Variants in VPS41 observed in about 807,000 individuals in gnomAD.
VPS41 encodes the protein VPS41 subunit of HOPS complex.
A neutral mutation model predicts 130.9 loss-of-function variants in VPS41; 85 were observed. The observed-to-expected ratio is 0.65, with a 90% CI of 0.55 to 0.78. The LOEUF (loss-of-function observed/expected upper bound fraction) is 0.78. VPS41 is among the 30% of genes least tolerant of loss of function. The pLI, the probability that VPS41 is intolerant of heterozygous loss-of-function variation, is 0.00. For synonymous variants in VPS41, 335 were observed against 332.9 expected (o/e 1.01, Z -0.07); for missense variants, 874 against 1,018.7 (o/e 0.86, Z 1.93).
chr7:38,906,339 TTTG>T (rs996230108), intron 1 of VPS41, among the ~76,000 whole-genome samples: 4 of 151,742 alleles, frequency 2.6e-5, no homozygotes, highest in Non-Finnish European at 2.9e-5. Context: ...TGGGTTTTTT[TTTG>T]TTTGTTTTTC....
intron 1 of VPS41, among the ~76,000 whole-genome samples, chr7:38,907,316 G>A (rs374948482): frequency 6.6e-6 from 1 of 152,186 alleles, no homozygotes; most frequent in Non-Finnish European, 1.5e-5. Context: ...AAGACTAAGA[G>A]AGCCAGTACA....
rs191080083 is a variant in VPS41 at position 38,897,576 on chromosome 7, C to T, written c.60+515G>A. On this transcript the variant is annotated intron_variant, in intron 2 of 28. Transcript: ENST00000310301. ...AGGAGAATGGTGTGAACCTGGGAGA[C>T]GGAGCCTGCAGTGAGCCGAGATGGA... Among the ~76,000 whole-genome samples, 1,101 of 147,748 alleles carry T rather than the reference C, an allele frequency of 7.5e-3. 8 individuals carry two copies. Among genetic ancestry groups the T allele is most frequent in the Non-Finnish European group, 0.012 (803 of 67,624 alleles).
intron 16 of VPS41, among the ~76,000 whole-genome samples, 180 bp from the exon 17 acceptor site, chr7:38,763,727 T>C (rs1783970393): frequency 6.6e-6 from 1 of 152,186 alleles, no homozygotes; most frequent in African/African-American, 2.4e-5. Context: ...TAAATTATAA[T>C]ATATTTTCAA....
rs763655809 is a variant in VPS41, at chr7:38,726,299, A to C, written c.2512T>G (p.Cys838Gly). The change falls in exon 29 of 29, where the codon TGC becomes GGC. Residue 838 changes from cysteine (C) to glycine (G), a missense_variant. Coordinates refer to ENST00000310301, the MANE Select transcript of VPS41 (RefSeq NM_014396.4). ...MNSAAQFCNI[C>G]SAKNRGPGSA... The stretch of plus-strand genomic sequence containing the variant: ...CCTGGTCCACGGTTCTTAGCACTGC[A>C]GATGTTGCAGAACTGTGCAGCAGAG... The C allele has an allele frequency of 1.2e-6, 2 of 1,608,198 alleles. No homozygotes were observed. Among genetic ancestry groups the C allele is most frequent in the Non-Finnish European group, 1.7e-6 (2 of 1,176,132 alleles).
intron 2 of VPS41, among the ~76,000 whole-genome samples, chr7:38,876,498 T>C (rs1285265133): frequency 6.6e-6 from 1 of 152,152 alleles, no homozygotes; most frequent in East Asian, 1.9e-4. Flanking sequence ...AGAAATCACA[T>C]CACCCGGTTG....
At chr7:38,881,211 G>A (rs1242085427) in intron 2 of VPS41, among the ~76,000 whole-genome samples, 1 of 152,150 alleles carries the variant, frequency 6.6e-6, no homozygotes, top group Non-Finnish European at 1.5e-5. Context: ...GGAAGCTGGG[G>A]GGAGAATCCC....
rs1177927356 is a variant in VPS41 at position 38,821,277 on chromosome 7, A to C, written c.322-12T>G. ...CCAAATACCTGCACCTACAAAGAAA[A>C]TGGATTGTATCAGCTCACCATGACA... is the stretch of plus-strand genomic sequence containing the variant. On this transcript the variant is annotated splice_polypyrimidine_tract_variant and intron_variant, in intron 5 of 28. Coordinates refer to ENST00000310301, the MANE Select transcript of VPS41 (RefSeq NM_014396.4). 1 of 1,609,834 alleles carries C rather than the reference A, an allele frequency of 6.2e-7. No homozygotes were observed. The highest frequency in any genetic ancestry group is 2.2e-5 in the East Asian group (1 of 44,836).
chr7:38,900,454 G>A (rs930300615), intron 1 of VPS41, among the ~76,000 whole-genome samples: 3 of 151,866 alleles, frequency 2.0e-5, no homozygotes, highest in African/African-American at 7.3e-5. Context: ...ATATTATTCA[G>A]GTGACAGTGA....
At chr7:38,808,138 C>T (rs1017678008) in intron 7 of VPS41, among the ~76,000 whole-genome samples, 1 of 152,128 alleles carries the variant, frequency 6.6e-6, no homozygotes, top group Non-Finnish European at 1.5e-5. Context: ...ACCCAACTCT[C>T]CCACCCTGAC....
chr7:38,726,053 T>C lies in VPS41; in HGVS notation c.*193A>G, dbSNP rs1305191040. 1 of 554,976 alleles carries C rather than the reference T, an allele frequency of 1.8e-6. No homozygotes were observed. Among genetic ancestry groups the C allele is most frequent in the Non-Finnish European group, 3.2e-6 (1 of 313,578 alleles). The allele number at this position is 554,976 out of a possible 1,614,324, so 34.4% of individuals were successfully genotyped here. On this transcript the variant is annotated 3_prime_UTR_variant, in exon 29 of 29. Coordinates refer to ENST00000310301, the MANE Select transcript of VPS41 (RefSeq NM_014396.4). ...CTATGGACCCCAAAATTTCAAGGCA[T>C]GAAGAGAGCCCCAAATTCTCTGTGA...
At chr7:38,881,834 G>A (rs1193594974) in intron 2 of VPS41, among the ~76,000 whole-genome samples, 6 of 151,964 alleles carry the variant, frequency 3.9e-5, no homozygotes, top group Admixed American at 3.3e-4. Context: ...ATTCACTGAC[G>A]AGCAGCTCTA....
intron 3 of VPS41, among the ~76,000 whole-genome samples, chr7:38,866,346 T>C (rs753019602): frequency 1.5e-4 from 23 of 152,284 alleles, no homozygotes; most frequent in Middle Eastern, 3.4e-3. Flanking sequence ...GGGTTTAAAG[T>C]AGAAAAATTA....
chr7:38,745,799 A>G (rs1795974772), intron 22 of VPS41, 186 bp from the exon 23 acceptor site: 1 of 576,118 alleles, frequency 1.7e-6, no homozygotes, highest in African/African-American at 2.0e-5. Flanking sequence ...GAGGTACTGG[A>G]CTCTACACAA....
chr7:38,775,306 A>G (rs1389375032), intron 11 of VPS41: 1 of 152,204 alleles, frequency 6.6e-6, no homozygotes, highest in Admixed American at 6.5e-5. Flanking sequence ...TGTTCCAGTC[A>G]TCTCCAAAAC....
At chr7:38,845,559 C>G (rs1467192178) in intron 4 of VPS41, among the ~76,000 whole-genome samples, 1 of 152,224 alleles carries the variant, frequency 6.6e-6, no homozygotes, top group Admixed American at 6.5e-5. Flanking sequence ...TTTCTCTTAA[C>G]AGTTCAGATC....
intron 25 of VPS41, among the ~76,000 whole-genome samples, chr7:38,738,206 A>C (rs996865710): frequency 1.1e-4 from 16 of 152,212 alleles, no homozygotes; most frequent in African/African-American, 3.4e-4. Context: ...AATGAAAAAA[A>C]CTAAGACCCC....
At chr7:38,843,636 A>T (rs1012208174) in intron 4 of VPS41, among the ~76,000 whole-genome samples, 1 of 151,888 alleles carries the variant, frequency 6.6e-6, no homozygotes, top group Non-Finnish European at 1.5e-5. Context: ...GAGCCGAGAT[A>T]GCACCACTGC....
intron 25 of VPS41, among the ~76,000 whole-genome samples, chr7:38,740,895 T>A (rs941205563): frequency 6.6e-6 from 1 of 152,200 alleles, no homozygotes; most frequent in Non-Finnish European, 1.5e-5. Context: ...AAATGACCTT[T>A]ACCATCATCC....
At chr7:38,780,320 G>A (rs746118778) in intron 10 of VPS41, among the ~76,000 whole-genome samples, 4 of 151,966 alleles carry the variant, frequency 2.6e-5, no homozygotes, top group East Asian at 1.9e-4. Flanking sequence ...CAGGGAGTGC[G>A]CTATGTTCAC....
Sources: gnomAD v4.1 joint callset for allele counts (sites outside exome capture counted in the v4.1 genomes callset) on GRCh38, gnomAD v4.1.1 for gene constraint, MANE v1.5 for transcripts, NCBI Gene and HGNC (gene_info 2026-07-23, HGNC 2026-07-21) for gene names.